Variants in RAB27B observed in about 807,000 individuals in gnomAD.
The protein encoded by RAB27B is ras-related protein Rab-27B.
A neutral mutation model predicts 24.6 loss-of-function variants in RAB27B; 15 were observed. That is an observed-to-expected ratio of 0.61 (90% CI 0.41 to 0.94). RAB27B has a LOEUF of 0.94. Ranked by LOEUF, RAB27B falls within the 40% of genes least tolerant of loss-of-function variation. The pLI is 0.00. For missense variants in RAB27B, 261 were observed against 266.8 expected, an observed-to-expected ratio of 0.98 and a Z score of 0.15; for synonymous variants, 105 against 92.5, an observed-to-expected ratio of 1.14 and a Z score of -0.78.
chr18:54,763,057 G>A (rs1413058804), intron 2 of RAB27B, among the ~76,000 whole-genome samples: 2 of 152,148 alleles, frequency 1.3e-5, no homozygotes, highest in African/African-American at 4.8e-5. Context: ...TCAAGGCTTT[G>A]ATGAATATTA....
intron 3 of RAB27B, among the ~76,000 whole-genome samples, chr18:54,884,080 T>A (rs1913031977): frequency 6.6e-6 from 1 of 151,004 alleles, no homozygotes; most frequent in African/African-American, 2.4e-5. Context: ...AATCCATGAT[T>A]GAATGTTACA....
intron 2 of RAB27B, among the ~76,000 whole-genome samples, chr18:54,770,177 G>A (rs1908497606): frequency 2.0e-5 from 3 of 152,108 alleles, no homozygotes; most frequent in African/African-American, 7.2e-5. Flanking sequence ...CTAAGACAGG[G>A]GTTGCCAACA....
chr18:54,841,979 A>G (rs945290699), intron 1 of RAB27B, among the ~76,000 whole-genome samples: 3 of 152,244 alleles, frequency 2.0e-5, no homozygotes, highest in Non-Finnish European at 4.4e-5. Context: ...CCTTAAAAAC[A>G]TCTTATTGAT....
At chr18:54,786,158 A>T (rs575902576) in intron 2 of RAB27B, among the ~76,000 whole-genome samples, 2 of 152,184 alleles carry the variant, frequency 1.3e-5, no homozygotes, top group East Asian at 3.9e-4. Context: ...CAGATAATGT[A>T]ATGTCTGTTA....
chr18:54,755,341 G>C (rs1170273906), intron 2 of RAB27B, among the ~76,000 whole-genome samples: 1 of 152,200 alleles, frequency 6.6e-6, no homozygotes, highest in Non-Finnish European at 1.5e-5. Context: ...AGTGAGCTGA[G>C]ATCGCACCAG....
chr18:54,838,706 T>C (rs1178936766), intron 1 of RAB27B, among the ~76,000 whole-genome samples: 1 of 152,148 alleles, frequency 6.6e-6, no homozygotes, highest in Non-Finnish European at 1.5e-5. Flanking sequence ...AGATCATAGA[T>C]GGAGAACATT....
rs1488774294 is a variant in RAB27B at position 54,891,800 on chromosome 18, G to T, written c.*2387G>T. ...GCTGTAGCATGAAGCAGAGGTTGAT[G>T]ATGCCCATAATTGCAAGACTATTCC... On this transcript the variant is annotated 3_prime_UTR_variant, in exon 6 of 6. Transcript: ENST00000262094. The T allele has an allele frequency of 6.6e-6, 1 of 152,006 alleles. No homozygotes were observed. Among genetic ancestry groups the T allele is most frequent in the Non-Finnish European group, 1.5e-5 (1 of 67,984 alleles). 9.4% of individuals were successfully genotyped at this position (152,006 alleles called of 1,614,324 possible).
chr18:54,807,865 CA>C (rs111768137), intron 2 of RAB27B, among the ~76,000 whole-genome samples: 22 of 152,300 alleles, frequency 1.4e-4, no homozygotes, highest in African/African-American at 5.1e-4. Context: ...CAGCATGAGA[CA>C]TTAAAATTTG....
intron 2 of RAB27B, among the ~76,000 whole-genome samples, chr18:54,753,767 G>A (rs529512559): frequency 9.2e-5 from 14 of 152,244 alleles, no homozygotes; most frequent in South Asian, 4.1e-4. Flanking sequence ...TAATTTGTAC[G>A]TAATTTATCT....
At position 54,779,947 on chromosome 18, in the gene RAB27B, C is replaced by A. The variant is rs1207718604; in HGVS notation, c.-20+61806C>A. 2.0e-5 allele frequency among the ~76,000 whole-genome samples: 3 copies of A among 151,118 alleles called. 1 individual carries two copies. The highest frequency in any genetic ancestry group is 4.4e-5 in the Non-Finnish European group (3 of 67,794). On this transcript the variant is annotated intron_variant, in intron 2 of 4. Coordinates refer to the RAB27B transcript ENST00000586570. ...GACTGCTTCTCCCTCACCATGTCCCCCCTCTCCTGACGGCTTCCTCCTCAC... is the reference window on the plus strand; with the variant it reads ...GACTGCTTCTCCCTCACCATGTCCCACCTCTCCTGACGGCTTCCTCCTCAC...
chr18:54,862,853 T>C (rs967765472), intron 1 of RAB27B, among the ~76,000 whole-genome samples: 3 of 152,214 alleles, frequency 2.0e-5, no homozygotes, highest in African/African-American at 7.2e-5. Flanking sequence ...GCACAGAAGA[T>C]TGGCTGTTGG....
chr18:54,811,313 G>C (rs1043931172), intron 2 of RAB27B, among the ~76,000 whole-genome samples: 1 of 152,142 alleles, frequency 6.6e-6, no homozygotes, highest in African/African-American at 2.4e-5. Flanking sequence ...GCCAAAGATG[G>C]CTGGGGTAAA....
chr18:54,722,579 G>C (rs73474565), intron 2 of RAB27B, among the ~76,000 whole-genome samples: 25,321 of 152,100 alleles, frequency 0.17, 2,783 homozygotes, highest in African/African-American at 0.32. Flanking sequence ...GGCTCAAGTA[G>C]AAGAGGCAAT....
At chr18:54,750,927 G>A (rs1001597856) in intron 2 of RAB27B, among the ~76,000 whole-genome samples, 2 of 152,140 alleles carry the variant, frequency 1.3e-5, no homozygotes, top group Non-Finnish European at 2.9e-5. Flanking sequence ...AAAGCATGTC[G>A]GAGAGGAGCA....
chr18:54,733,657 C>CCA (rs904037380), intron 2 of RAB27B, among the ~76,000 whole-genome samples: 3 of 135,992 alleles, frequency 2.2e-5, no homozygotes, highest in Non-Finnish European at 3.3e-5. Context: ...AGAGCCCCCC[C>CCA]CCCCCAAATT....
intron 2 of RAB27B, among the ~76,000 whole-genome samples, chr18:54,724,906 G>T (rs999980319): frequency 6.6e-6 from 1 of 151,536 alleles, no homozygotes; most frequent in Admixed American, 6.6e-5. Flanking sequence ...GAGTAAACTT[G>T]ATTCTTACTT....
intron 2 of RAB27B, among the ~76,000 whole-genome samples, chr18:54,753,480 C>T (rs998502365): frequency 6.6e-6 from 1 of 152,138 alleles, no homozygotes; most frequent in Admixed American, 6.5e-5. Flanking sequence ...GATAATACAT[C>T]TAATGTACCC....
At chr18:54,850,462 C>A (rs1266114149) in intron 1 of RAB27B, among the ~76,000 whole-genome samples, 2 of 150,642 alleles carry the variant, frequency 1.3e-5, no homozygotes, top group African/African-American at 2.4e-5. Flanking sequence ...TCCTCTGCCT[C>A]CCAGGTTCAA....
chr18:54,738,076 T>A (rs1452114376), intron 2 of RAB27B, among the ~76,000 whole-genome samples: 1 of 151,870 alleles, frequency 6.6e-6, no homozygotes, highest in African/African-American at 2.4e-5. Context: ...AAATCACAGG[T>A]TTGTAAGAGA....
Sources: allele counts gnomAD v4.1 joint callset (sites outside exome capture counted in the v4.1 genomes callset), GRCh38; gene constraint gnomAD v4.1.1; transcripts MANE v1.5; gene names NCBI Gene and HGNC (gene_info 2026-07-23, HGNC 2026-07-21).